KCNN2: variants seen among roughly 807,000 people sequenced by gnomAD.
KCNN2 encodes the protein potassium calcium-activated channel subfamily N member 2.
A neutral mutation model predicts 55.5 loss-of-function variants in KCNN2; 24 were observed. The ratio of observed to expected loss-of-function variants is 0.43; its 90% CI spans 0.31 to 0.61. The LOEUF (loss-of-function observed/expected upper bound fraction) is 0.61. Ranked by LOEUF, KCNN2 falls within the 20% of genes least tolerant of loss-of-function variation. The pLI is 0.08. For synonymous variants in KCNN2, 431 were observed against 336.1 expected (o/e 1.28, Z -3.09); for missense variants, 754 against 853.6 (o/e 0.88, Z 1.45).
At chr5:114,342,960 C>G (rs908199208) in intron 2 of KCNN2, among the ~76,000 whole-genome samples, 2 of 152,166 alleles carry the variant, frequency 1.3e-5, no homozygotes, top group African/African-American at 2.4e-5. Context: ...TCAGCCAGGT[C>G]TTAAGCCCAG....
intron 1 of KCNN2, among the ~76,000 whole-genome samples, chr5:114,075,308 T>A (rs1317976592): frequency 6.6e-6 from 1 of 152,162 alleles, no homozygotes; most frequent in African/African-American, 2.4e-5. Context: ...ATACAAAAGA[T>A]GCAGAAGCAA....
intron 5 of KCNN2, among the ~76,000 whole-genome samples, chr5:114,474,249 T>C (rs192329805): frequency 1.2e-3 from 177 of 152,348 alleles, no homozygotes; most frequent in African/African-American, 4.1e-3. Context: ...TATATATTTA[T>C]ATAGATTATA....
chr5:114,294,210 T>G (rs913914056), intron 2 of KCNN2, among the ~76,000 whole-genome samples: 104 of 152,254 alleles, frequency 6.8e-4, no homozygotes, highest in Middle Eastern at 3.4e-3. Context: ...TGCTCCGATT[T>G]TAGTTATTTC....
At chr5:114,318,895 T>C (rs1449617652) in intron 2 of KCNN2, among the ~76,000 whole-genome samples, 2 of 152,286 alleles carry the variant, frequency 1.3e-5, no homozygotes, top group East Asian at 1.9e-4. Context: ...CTCACTGAAC[T>C]ATTTCAGTAT....
At chr5:114,085,803 A>G (rs1751003927) in intron 1 of KCNN2, among the ~76,000 whole-genome samples, 1 of 152,008 alleles carries the variant, frequency 6.6e-6, no homozygotes, top group African/African-American at 2.4e-5. Context: ...CTTTGATTCC[A>G]TCAGTTACTA....
intron 1 of KCNN2, among the ~76,000 whole-genome samples, chr5:114,220,942 A>G (rs2112592453): frequency 6.6e-6 from 1 of 152,342 alleles, no homozygotes; most frequent in South Asian, 2.1e-4. Context: ...CAATGGAAAG[A>G]GGCAAGATTT....
intron 2 of KCNN2, among the ~76,000 whole-genome samples, chr5:114,228,003 T>C (rs1335302131): frequency 1.8e-4 from 1 of 5,516 alleles, no homozygotes; most frequent in African/African-American, 4.1e-4. Flanking sequence ...ACGATGATGA[T>C]GATGATGATG....
In KCNN2 at chr5:114,262,139, A is replaced by G. The variant is rs372638005; in HGVS notation, c.-185+40574A>G. On this transcript the variant is annotated intron_variant, in intron 2 of 10. Transcript: ENST00000512097. ...ATCAACAACTTGCTTGTGCCGATCT[A>G]TATTTTCGAATTTGGCTTCGTTTCT... 1.2e-3 allele frequency among the ~76,000 whole-genome samples: 178 copies of G among 152,298 alleles called. 4 individuals are homozygous for G. In the South Asian group the frequency reaches 0.036, roughly 31 times the overall value.
chr5:114,340,023 G>A (rs1359088797), intron 2 of KCNN2, among the ~76,000 whole-genome samples: 2 of 151,996 alleles, frequency 1.3e-5, no homozygotes, highest in Admixed American at 6.6e-5. Flanking sequence ...ACTTGCCTAT[G>A]GATATATGAC....
chr5:114,103,874 G>A (rs1751423910), intron 1 of KCNN2, among the ~76,000 whole-genome samples: 1 of 152,062 alleles, frequency 6.6e-6, no homozygotes. Flanking sequence ...AGGGATATTG[G>A]CCTGAGATTT....
In KCNN2 at chr5:114,318,368, A is replaced by G. The variant is rs374204864; in HGVS notation, c.-184-42577A>G. On this transcript the variant is annotated intron_variant, in intron 2 of 10. Coordinates refer to the KCNN2 transcript ENST00000512097. Reference sequence around the variant, plus strand: ...TTGTTGTTTGTTTGATGTTCTCATCAAAAATATTTTTTTCCTAGTAAAATC... The same window carrying G: ...TTGTTGTTTGTTTGATGTTCTCATCGAAAATATTTTTTTCCTAGTAAAATC... Among the ~76,000 whole-genome samples, 45 of 152,204 alleles carry G rather than the reference A, an allele frequency of 3.0e-4. 1 individual carries two copies. The East Asian group carries it at 8.5e-3, about 29-fold the overall frequency.
At chr5:114,382,593 G>A (rs1758156764) in intron 2 of KCNN2, among the ~76,000 whole-genome samples, 1 of 152,150 alleles carries the variant, frequency 6.6e-6, no homozygotes, top group Non-Finnish European at 1.5e-5. Context: ...TCTTTCTGTG[G>A]GTGTTGGAGA....
At chr5:114,201,591 T>A (rs1753674033) in intron 1 of KCNN2, among the ~76,000 whole-genome samples, 3 of 152,110 alleles carry the variant, frequency 2.0e-5, no homozygotes, top group African/African-American at 7.2e-5. Flanking sequence ...CTGTCCCTCC[T>A]TGACCAAGCA....
At chr5:114,082,025 T>C (rs1247758272) in intron 1 of KCNN2, among the ~76,000 whole-genome samples, 1 of 152,002 alleles carries the variant, frequency 6.6e-6, no homozygotes, top group East Asian at 1.9e-4. Flanking sequence ...ATGTCCAATA[T>C]ATATTCCAAA....
intron 4 of KCNN2, among the ~76,000 whole-genome samples, chr5:114,472,264 A>G (rs558416284): frequency 6.6e-6 from 1 of 152,266 alleles, no homozygotes; most frequent in African/African-American, 2.4e-5. Flanking sequence ...GACTCTCACA[A>G]CTTGGAATGA....
chr5:114,413,162 A>G (rs943487068), intron 3 of KCNN2, among the ~76,000 whole-genome samples: 19 of 152,364 alleles, frequency 1.2e-4, no homozygotes, highest in African/African-American at 4.6e-4. Context: ...TGCTAAGTAT[A>G]ATGTTTGCCA....
At chr5:114,249,233 G>A (rs747427699) in intron 2 of KCNN2, among the ~76,000 whole-genome samples, 1 of 151,454 alleles carries the variant, frequency 6.6e-6, no homozygotes, top group East Asian at 1.9e-4. Flanking sequence ...TGTGAAGAAC[G>A]TAAACATGGT....
chr5:114,215,106 A>C (rs1371567166), intron 1 of KCNN2, among the ~76,000 whole-genome samples: 1 of 152,130 alleles, frequency 6.6e-6, no homozygotes, highest in Non-Finnish European at 1.5e-5. Flanking sequence ...ATATAACTTG[A>C]ATAGGCTTAA....
chr5:114,142,337 G>C (rs938784459), intron 1 of KCNN2, among the ~76,000 whole-genome samples: 1 of 152,030 alleles, frequency 6.6e-6, no homozygotes, highest in African/African-American at 2.4e-5. Context: ...TCCAGTTTCA[G>C]CTTTCTACAT....
Sources: allele counts gnomAD v4.1 joint callset (sites outside exome capture counted in the v4.1 genomes callset), GRCh38; gene constraint gnomAD v4.1.1; transcripts MANE v1.5; gene names NCBI Gene and HGNC (gene_info 2026-07-23, HGNC 2026-07-21).